Variants in NEAT1 observed in about 807,000 individuals in gnomAD.
NEAT1 encodes the protein nuclear paraspeckle assembly transcript 1, also known as MENepsilon/beta.
At chr11:65,425,599 C>T (rs182248431) in exon 1 of NEAT1, 1 of 152,174 alleles carries the variant, frequency 6.6e-6, no homozygotes, top group Non-Finnish European at 1.5e-5. Context: ...GGGCTTTTAA[C>T]GTATTTAAGG....
At chr11:65,424,787 C>T (rs1038322508) in exon 1 of NEAT1, 1 of 152,118 alleles carries the variant, frequency 6.6e-6, no homozygotes, top group Non-Finnish European at 1.5e-5. Context: ...TTTGTTCTTG[C>T]TTCGTTTTTT....
At chr11:65,434,269 T>G (rs1252630063) in exon 1 of NEAT1, 2 of 152,188 alleles carry the variant, frequency 1.3e-5, no homozygotes, top group African/African-American at 4.8e-5. Flanking sequence ...TACACAGAGT[T>G]GAAAGGTGAC....
chr11:65,428,296 T>C (rs541968288), exon 1 of NEAT1: 1 of 152,298 alleles, frequency 6.6e-6, no homozygotes, highest in East Asian at 1.9e-4. Context: ...GAGCCAGTAT[T>C]GGTTGAGGCT....
chr11:65,425,446 A>C (rs930699939), exon 1 of NEAT1: 9 of 152,166 alleles, frequency 5.9e-5, no homozygotes, highest in Non-Finnish European at 1.0e-4. Flanking sequence ...GTCACTTGAA[A>C]GATGGGCGTC....
At chr11:65,444,263 CTGTGTG>C (rs66756887) in exon 1 of NEAT1, 16,749 of 252,710 alleles carry the variant, frequency 0.066, 399 homozygotes, top group South Asian at 0.073. Flanking sequence ...AGTCCTCAGA[CTGTGTG>C]TGTGTGTGTG....
chr11:65,428,239 T>TTAA (rs1856581501), exon 1 of NEAT1: 2 of 152,182 alleles, frequency 1.3e-5, no homozygotes, highest in Admixed American at 1.3e-4. Flanking sequence ...TTATGGGGCA[T>TTAA]AAGAATAGCA....
exon 1 of NEAT1, chr11:65,426,775 A>G (rs978404413): frequency 1.1e-4 from 17 of 152,214 alleles, no homozygotes; most frequent in African/African-American, 4.1e-4. Flanking sequence ...AAATGTGATG[A>G]AACCACTCAA....
exon 1 of NEAT1, chr11:65,427,003 A>C (rs1361295935): frequency 6.6e-6 from 1 of 152,108 alleles, no homozygotes; most frequent in Non-Finnish European, 1.5e-5. Context: ...TACCTCACTA[A>C]AGAATTTGCC....
chr11:65,429,557 T>G (rs1225647131), exon 1 of NEAT1: 2 of 152,074 alleles, frequency 1.3e-5, no homozygotes, highest in African/African-American at 4.8e-5. Context: ...CTATTGATTG[T>G]TTTGCAAAAG....
chr11:65,431,237 C>A (rs2134896123), exon 1 of NEAT1: 1 of 152,244 alleles, frequency 6.6e-6, no homozygotes, highest in East Asian at 1.9e-4. Flanking sequence ...TTAAAAGATC[C>A]AAATAATATT....
At chr11:65,438,568 A>G (rs1228645132) in exon 1 of NEAT1, 2 of 152,202 alleles carry the variant, frequency 1.3e-5, no homozygotes, top group African/African-American at 4.8e-5. Context: ...AACCTTTGTT[A>G]TACTGGTAAA....
exon 1 of NEAT1, chr11:65,437,536 G>A (rs1856672908): frequency 6.6e-6 from 1 of 151,970 alleles, no homozygotes; most frequent in African/African-American, 2.4e-5. Flanking sequence ...TCAAAATAGC[G>A]AAGGGAAGCC....
exon 1 of NEAT1, chr11:65,428,222 T>C (rs1856581098): frequency 6.6e-6 from 1 of 152,146 alleles, no homozygotes; most frequent in African/African-American, 2.4e-5. Context: ...CTTGTGCAAA[T>C]TAAAAGTTAT....
At chr11:65,439,312 T>A (rs976499014) in exon 1 of NEAT1, 3 of 152,200 alleles carry the variant, frequency 2.0e-5, no homozygotes, top group Non-Finnish European at 4.4e-5. Context: ...TTTGCAAATA[T>A]TTTCTCCCAT....
At chr11:65,434,613 C>T (rs968921543) in exon 1 of NEAT1, 1 of 151,930 alleles carries the variant, frequency 6.6e-6, no homozygotes, top group Non-Finnish European at 1.5e-5. Context: ...ACAAACAGTT[C>T]TGTGCGATCA....
At chr11:65,444,459 C>T (rs771270853) in exon 1 of NEAT1, 14 of 472,550 alleles carry the variant, frequency 3.0e-5, no homozygotes, top group South Asian at 2.2e-4. Context: ...GCCTCTGCTT[C>T]CCATCTGGAC....
exon 1 of NEAT1, chr11:65,434,806 T>G (rs1856644366): frequency 6.6e-6 from 1 of 152,110 alleles, no homozygotes; most frequent in African/African-American, 2.4e-5. Context: ...TCATATCCTC[T>G]ACGACGCTCC....
exon 1 of NEAT1, chr11:65,434,113 T>C (rs1046775190): frequency 1.3e-5 from 2 of 152,174 alleles, no homozygotes; most frequent in African/African-American, 2.4e-5. Flanking sequence ...TTCATTTAGT[T>C]TGTTTACTGG....
At chr11:65,428,030 G>C (rs1016628635) in exon 1 of NEAT1, 1 of 152,166 alleles carries the variant, frequency 6.6e-6, no homozygotes, top group Non-Finnish European at 1.5e-5. Context: ...CCAGGGGCTG[G>C]GGCCACATTC....
Sources: allele counts gnomAD v4.1 joint callset, GRCh38; gene constraint gnomAD v4.1.1; transcripts MANE v1.5; gene names NCBI Gene and HGNC (gene_info 2026-07-23, HGNC 2026-07-21).